The following PHACTR1 variants were observed in gnomAD, a reference collection of about 807,000 sequenced individuals.
PHACTR1 encodes the protein phosphatase and actin regulator 1.
In PHACTR1, 16 loss-of-function variants were observed where a neutral mutation model predicts 69.2. The observed-to-expected ratio is 0.23, with a 90% CI of 0.16 to 0.35. The LOEUF (loss-of-function observed/expected upper bound fraction) is 0.35, where lower values mean the gene tolerates loss of function less well. PHACTR1 is among the 10% of genes least tolerant of loss of function. The pLI is 1.00. For synonymous variants in PHACTR1, 312 were observed against 284.5 expected, an observed-to-expected ratio of 1.10 and a Z score of -0.97; for missense variants, 510 against 734.7, an observed-to-expected ratio of 0.69 and a Z score of 3.54.
At chr6:13,046,068 T>G in intron 4 of PHACTR1, among the ~76,000 whole-genome samples, 1 of 152,168 alleles carries the variant, frequency 6.6e-6, no homozygotes, top group South Asian at 2.1e-4. Context: ...GATAAGCAAC[T>G]CTCTCAATGT....
intron 5 of PHACTR1, among the ~76,000 whole-genome samples, chr6:13,062,856 TGA>T (rs1561772699): frequency 6.6e-6 from 1 of 152,202 alleles, no homozygotes; most frequent in African/African-American, 2.4e-5. Flanking sequence ...ATGTCCACCA[TGA>T]AGACTCTATG....
intron 3 of PHACTR1, among the ~76,000 whole-genome samples, chr6:12,739,527 T>C (rs1278615204): frequency 1.3e-5 from 2 of 152,078 alleles, no homozygotes; most frequent in Non-Finnish European, 2.9e-5. Context: ...AGAAGCTTTT[T>C]ATAAATAAAT....
intron 5 of PHACTR1, among the ~76,000 whole-genome samples, chr6:13,063,149 A>G (rs1448958657): frequency 6.6e-6 from 1 of 152,200 alleles, no homozygotes; most frequent in Non-Finnish European, 1.5e-5. Context: ...TATGTGCCAG[A>G]TGCTGCCATT....
chr6:13,079,657 T>C (rs1477103839), intron 5 of PHACTR1, among the ~76,000 whole-genome samples: 7 of 152,158 alleles, frequency 4.6e-5, no homozygotes, highest in African/African-American at 1.7e-4. Context: ...AAATGCCCAG[T>C]ACCTGCTTGC....
At position 13,280,975 on chromosome 6, in the gene PHACTR1, G is replaced by A. The variant is rs993969039; in HGVS notation, c.1510-2447G>A. 34 of 1,289,244 alleles carry A rather than the reference G, an allele frequency of 2.6e-5. 1 individual carries two copies. Among genetic ancestry groups the A allele is most frequent in the East Asian group, 1.1e-4 (2 of 18,024 alleles). 79.9% of individuals were successfully genotyped at this position (1,289,244 alleles called of 1,614,324 possible). ...TGGCCGTTTGTTAGTGCTGGGGTCC[G>A]TGCACCAACTGTGACTCTGAGAGGC... On this transcript the variant is annotated intron_variant, in intron 12 of 14. Transcript: ENST00000332995.
chr6:13,101,971 C>A (rs946405506), intron 5 of PHACTR1, among the ~76,000 whole-genome samples: 9 of 152,138 alleles, frequency 5.9e-5, no homozygotes, highest in African/African-American at 2.2e-4. Flanking sequence ...AGGGTTAATA[C>A]CACTAGGTTT....
intron 5 of PHACTR1, among the ~76,000 whole-genome samples, chr6:13,105,607 C>T (rs1047622628): frequency 3.3e-5 from 5 of 152,154 alleles, no homozygotes; most frequent in Non-Finnish European, 7.3e-5. Flanking sequence ...CCTTACTGAA[C>T]ATGCCGGCCA....
chr6:13,125,616 T>C (rs905438241), intron 5 of PHACTR1, among the ~76,000 whole-genome samples: 2 of 152,226 alleles, frequency 1.3e-5, no homozygotes, highest in Non-Finnish European at 2.9e-5. Context: ...TATCTAGTGG[T>C]ATATTTCTTG....
intron 7 of PHACTR1, among the ~76,000 whole-genome samples, chr6:13,183,772 C>T (rs543261377): frequency 6.6e-6 from 1 of 152,256 alleles, no homozygotes; most frequent in South Asian, 2.1e-4. Context: ...AAAAAGAATC[C>T]AGACTTCCTT....
Position 13,060,603 on chromosome 6 carries a change from A to C in PHACTR1, c.415+7074A>C, listed in dbSNP as rs373510662. ...TAGTATCAGAAAAGGAATGAACTCT[A>C]CTGCAATCAGAGGGAAGCTGCAGCA... On this transcript the variant is annotated intron_variant, in intron 5 of 14. Transcript: ENST00000332995. 1.4e-4 allele frequency among the ~76,000 whole-genome samples: 21 copies of C among 152,168 alleles called. No homozygotes were observed. In the East Asian group the frequency reaches 2.3e-3, roughly 17 times the overall value.
At chr6:12,761,877 T>C (rs757683835) in intron 4 of PHACTR1, among the ~76,000 whole-genome samples, 5 of 152,206 alleles carry the variant, frequency 3.3e-5, no homozygotes, top group Non-Finnish European at 5.9e-5. Context: ...AGTCTAGGGC[T>C]GTTCACTCCC....
intron 4 of PHACTR1, among the ~76,000 whole-genome samples, chr6:13,014,373 G>T (rs1352445276): frequency 6.6e-6 from 1 of 152,206 alleles, no homozygotes; most frequent in Admixed American, 6.5e-5. Context: ...TCCCCAAAAT[G>T]AGGGTTTTGA....
chr6:12,958,300 G>T (rs764512798), intron 4 of PHACTR1, among the ~76,000 whole-genome samples: 8 of 152,222 alleles, frequency 5.3e-5, no homozygotes, highest in Non-Finnish European at 1.2e-4. Flanking sequence ...AAATCTCACT[G>T]CAATGGAGAC....
At chr6:13,088,666 T>C (rs1812711350) in intron 5 of PHACTR1, among the ~76,000 whole-genome samples, 1 of 152,178 alleles carries the variant, frequency 6.6e-6, no homozygotes, top group Non-Finnish European at 1.5e-5. Context: ...GTTTTGACCC[T>C]AGTTTCTGTA....
intron 4 of PHACTR1, among the ~76,000 whole-genome samples, chr6:13,030,779 A>G (rs1802349946): frequency 6.6e-6 from 1 of 152,266 alleles, no homozygotes; most frequent in African/African-American, 2.4e-5. Flanking sequence ...GACAATGATC[A>G]TTCAGTAATG....
At chr6:12,968,130 G>A (rs1027916767) in intron 4 of PHACTR1, among the ~76,000 whole-genome samples, 3 of 152,144 alleles carry the variant, frequency 2.0e-5, no homozygotes, top group African/African-American at 4.8e-5. Context: ...GTGATCACGG[G>A]CTTCCATGAT....
intron 4 of PHACTR1, among the ~76,000 whole-genome samples, chr6:12,821,663 A>G (rs1359853620): frequency 1.3e-5 from 2 of 152,208 alleles, no homozygotes; most frequent in East Asian, 1.9e-4. Flanking sequence ...TTTTGTTGGG[A>G]AAAAAATCAA....
intron 4 of PHACTR1, among the ~76,000 whole-genome samples, chr6:12,757,630 C>T (rs1767487455): frequency 6.6e-6 from 1 of 152,002 alleles, no homozygotes; most frequent in Admixed American, 6.6e-5. Flanking sequence ...GAAGATACAG[C>T]CAGTATGCGT....
intron 3 of PHACTR1, among the ~76,000 whole-genome samples, chr6:12,719,131 G>A (rs1761780468): frequency 6.6e-6 from 1 of 152,150 alleles, no homozygotes; most frequent in African/African-American, 2.4e-5. Flanking sequence ...CAACACTTAT[G>A]TCCAAAAAGA....
Sources: gnomAD v4.1 joint callset for allele counts (sites outside exome capture counted in the v4.1 genomes callset) on GRCh38, gnomAD v4.1.1 for gene constraint, MANE v1.5 for transcripts, NCBI Gene and HGNC (gene_info 2026-07-23, HGNC 2026-07-21) for gene names.